The following SEMA6D variants were observed in gnomAD, a reference collection of about 807,000 sequenced individuals.
The protein encoded by SEMA6D is semaphorin-6D.
Under a neutral mutation model 106.6 loss-of-function variants are expected in SEMA6D, and 35 were observed. The ratio of observed to expected loss-of-function variants is 0.33; its 90% CI spans 0.25 to 0.44. SEMA6D has a LOEUF of 0.44. SEMA6D is among the 20% of genes least tolerant of loss of function. The pLI is 1.00. For synonymous variants in SEMA6D, 499 were observed against 487.7 expected (o/e 1.02, Z -0.31); for missense variants, 1,185 against 1,345.9 (o/e 0.88, Z 1.87).
intron 1 of SEMA6D, among the ~76,000 whole-genome samples, chr15:47,322,120 G>T (rs1008996796): frequency 6.6e-6 from 1 of 152,010 alleles, no homozygotes; most frequent in Non-Finnish European, 1.5e-5. Flanking sequence ...ATTTTAAAAA[G>T]CTTTATTTTA....
intron 3 of SEMA6D, among the ~76,000 whole-genome samples, chr15:47,541,668 G>C (rs1319729126): frequency 1.3e-5 from 2 of 152,146 alleles, no homozygotes; most frequent in African/African-American, 4.8e-5. Flanking sequence ...ACAGAATCCT[G>C]TATCTACAGA....
intron 1 of SEMA6D, among the ~76,000 whole-genome samples, chr15:47,364,092 A>G (rs555262446): frequency 7.9e-5 from 12 of 152,342 alleles, no homozygotes; most frequent in African/African-American, 2.6e-4. Context: ...GCCAAACCGT[A>G]TCAGAAGCTG....
chr15:47,601,862 G>A (rs953977961), intron 4 of SEMA6D, among the ~76,000 whole-genome samples: 3 of 152,114 alleles, frequency 2.0e-5, no homozygotes, highest in Non-Finnish European at 4.4e-5. Flanking sequence ...TACTTACTAT[G>A]TTAATTCTAG....
intron 1 of SEMA6D, among the ~76,000 whole-genome samples, chr15:47,359,013 A>G (rs1203607655): frequency 1.3e-5 from 2 of 151,868 alleles, no homozygotes; most frequent in African/African-American, 2.4e-5. Flanking sequence ...ACCATACTTG[A>G]TCTGCTGTAC....
chr15:47,326,806 G>A (rs2037151668), intron 1 of SEMA6D, among the ~76,000 whole-genome samples: 1 of 152,146 alleles, frequency 6.6e-6, no homozygotes, highest in Admixed American at 6.6e-5. Flanking sequence ...GCCAGATTCT[G>A]TTTGCTCCCC....
chr15:47,686,309 G>A (rs751601858), intron 4 of SEMA6D, among the ~76,000 whole-genome samples: 2 of 152,094 alleles, frequency 1.3e-5, no homozygotes, highest in Admixed American at 6.6e-5. Context: ...ACTTAACTAA[G>A]TTCTAACCCT....
In SEMA6D at chr15:47,315,042, AT is replaced by A. The variant is rs1462887571; in HGVS notation, c.-238-97346del. 3.3e-5 allele frequency among the ~76,000 whole-genome samples: 5 copies of A among 150,310 alleles called. No homozygotes were observed. In the East Asian group the frequency reaches 9.9e-4, roughly 30 times the overall value. On this transcript the variant is annotated intron_variant, in intron 1 of 19. Transcript: ENST00000558014. ...CATCACGCCCGGCTAATTTTTTTGT[AT>A]TTTTAGTAGAGACGGGGTTTCACCG...
intron 3 of SEMA6D, among the ~76,000 whole-genome samples, chr15:47,537,359 G>A (rs370856528): frequency 6.6e-5 from 10 of 152,286 alleles, no homozygotes; most frequent in African/African-American, 1.7e-4. Flanking sequence ...GTCAGGAAAC[G>A]TGGTAAATAA....
intron 3 of SEMA6D, among the ~76,000 whole-genome samples, chr15:47,592,467 G>GA (rs1411466260): frequency 2.6e-5 from 4 of 152,190 alleles, no homozygotes; most frequent in African/African-American, 9.7e-5. Flanking sequence ...GATTGGCTGG[G>GA]TGTGGGTGAG....
chr15:47,537,791 A>C (rs1367168103), intron 3 of SEMA6D, among the ~76,000 whole-genome samples: 2 of 152,142 alleles, frequency 1.3e-5, no homozygotes, highest in African/African-American at 4.8e-5. Context: ...AAGAGTTGCT[A>C]CCTTTGTGTC....
At chr15:47,456,126 A>G (rs1318285610) in intron 2 of SEMA6D, among the ~76,000 whole-genome samples, 2 of 151,952 alleles carry the variant, frequency 1.3e-5, no homozygotes, top group Non-Finnish European at 2.9e-5. Flanking sequence ...ATTAGGATAT[A>G]GAACCAGCAG....
At chr15:47,563,034 T>C (rs1432677984) in intron 3 of SEMA6D, among the ~76,000 whole-genome samples, 1 of 152,152 alleles carries the variant, frequency 6.6e-6, no homozygotes, top group Non-Finnish European at 1.5e-5. Flanking sequence ...GCTACAAACC[T>C]AGTGAACCTG....
intron 4 of SEMA6D, among the ~76,000 whole-genome samples, chr15:47,680,054 C>A (rs924537700): frequency 6.6e-6 from 1 of 152,102 alleles, no homozygotes; most frequent in Non-Finnish European, 1.5e-5. Flanking sequence ...CCCCAAGAAG[C>A]CCCATTACAA....
chr15:47,673,067 A>T (rs745412502), intron 4 of SEMA6D, among the ~76,000 whole-genome samples: 1 of 152,076 alleles, frequency 6.6e-6, no homozygotes, highest in Non-Finnish European at 1.5e-5. Flanking sequence ...TCATCAGGTC[A>T]TGAATGACAT....
chr15:47,611,959 A>T (rs913110197), intron 4 of SEMA6D, among the ~76,000 whole-genome samples: 1 of 152,194 alleles, frequency 6.6e-6, no homozygotes, highest in African/African-American at 2.4e-5. Flanking sequence ...ATGCCAGGTG[A>T]AAATAGAGTG....
chr15:47,501,789 TCCATAAACCC>T (rs2043856076), intron 3 of SEMA6D, among the ~76,000 whole-genome samples: 1 of 152,258 alleles, frequency 6.6e-6, no homozygotes, highest in African/African-American at 2.4e-5. Flanking sequence ...TAGCAAGCTG[TCCATAAACCC>T]CAAAATAGCC....
intron 1 of SEMA6D, among the ~76,000 whole-genome samples, chr15:47,727,682 G>A (rs1234040088): frequency 7.6e-6 from 1 of 131,148 alleles, no homozygotes; most frequent in Admixed American, 8.7e-5. Flanking sequence ...AGTTTGCAAA[G>A]GATCTTTATA....
intron 3 of SEMA6D, among the ~76,000 whole-genome samples, chr15:47,504,280 A>T (rs961804002): frequency 6.6e-6 from 1 of 151,986 alleles, no homozygotes; most frequent in African/African-American, 2.4e-5. Context: ...GCCAGCCAGG[A>T]CTCATCTGAG....
chr15:47,196,765 C>T lies in SEMA6D; in HGVS notation c.-239+12347C>T, dbSNP rs986558428. ...GATTGGAAATTTCTAAAGTTGCACA[C>T]GATTCAAGAGAATGCGAAACATGTT... On this transcript the variant is annotated intron_variant, in intron 1 of 19. Transcript: ENST00000558014. 7.9e-5 allele frequency among the ~76,000 whole-genome samples: 12 copies of T among 152,118 alleles called. 1 individual carries two copies. The highest frequency in any genetic ancestry group is 2.0e-4 in the Admixed American group (3 of 15,254).
Sources: allele counts gnomAD v4.1 joint callset (sites outside exome capture counted in the v4.1 genomes callset), GRCh38; gene constraint gnomAD v4.1.1; transcripts MANE v1.5; gene names NCBI Gene and HGNC (gene_info 2026-07-23, HGNC 2026-07-21).